SOS2: variants seen among roughly 807,000 people sequenced by gnomAD.
SOS2 encodes son of sevenless homolog 2.
In SOS2, 65 loss-of-function variants were observed where a neutral mutation model predicts 148.2. The ratio of observed to expected loss-of-function variants is 0.44; its 90% CI spans 0.36 to 0.54. The LOEUF (loss-of-function observed/expected upper bound fraction) is 0.54, where lower values mean the gene tolerates loss of function less well. Among genes scored for constraint, SOS2 ranks in the 20% least tolerant of loss-of-function variants. The pLI, the probability that SOS2 is intolerant of heterozygous loss-of-function variation, is 0.00. For synonymous variants in SOS2, 539 were observed against 537.1 expected (o/e 1.00, Z -0.05); for missense variants, 1,341 against 1,590.2 (o/e 0.84, Z 2.67).
At position 50,197,008 on chromosome 14, in the gene SOS2, T is replaced by C. The variant is rs1017406459; in HGVS notation, c.510+2683A>G. Among the ~76,000 whole-genome samples, 6 of 151,934 alleles carry C rather than the reference T, an allele frequency of 3.9e-5. No homozygotes were observed. In the South Asian group the frequency reaches 6.2e-4, roughly 16 times the overall value. On this transcript the variant is annotated intron_variant, in intron 4 of 22. Transcript: ENST00000216373. Reference sequence around the variant, plus strand: ...TCAGCCTCCCAAATAGCTGGGACTATAGTCACAAGCACACGCCCGGATAAT... The same window carrying C: ...TCAGCCTCCCAAATAGCTGGGACTACAGTCACAAGCACACGCCCGGATAAT...
intron 6 of SOS2, among the ~76,000 whole-genome samples, 193 bp from the exon 7 acceptor site, chr14:50,180,875 G>A (rs1404006546): frequency 6.6e-6 from 1 of 151,882 alleles, no homozygotes; most frequent in African/African-American, 2.4e-5. Flanking sequence ...AGAAAAAAGA[G>A]AAGAGAAGAA....
chr14:50,175,428 CTTTTTTTTTT>C (rs71441277), intron 7 of SOS2, among the ~76,000 whole-genome samples: 2 of 119,870 alleles, frequency 1.7e-5, no homozygotes, highest in African/African-American at 3.2e-5. Context: ...AGGAGTAATA[CTTTTTTTTTT>C]TTTTTTTTTT....
chr14:50,140,586 A>C (rs1884237726), intron 16 of SOS2, among the ~76,000 whole-genome samples: 1 of 152,222 alleles, frequency 6.6e-6, no homozygotes, highest in African/African-American at 2.4e-5. Flanking sequence ...TAAACCCCAG[A>C]GCGAACACTA....
intron 4 of SOS2, among the ~76,000 whole-genome samples, chr14:50,195,374 A>C (rs1011174098): frequency 6.6e-6 from 1 of 152,228 alleles, no homozygotes; most frequent in African/African-American, 2.4e-5. Flanking sequence ...GGGGATCTGA[A>C]AATCCTGCCA....
intron 13 of SOS2, among the ~76,000 whole-genome samples, chr14:50,150,972 C>G (rs545497812): frequency 6.6e-6 from 1 of 152,054 alleles, no homozygotes; most frequent in Non-Finnish European, 1.5e-5. Context: ...ATCTGCCTGC[C>G]TTGGCCTCTC....
intron 4 of SOS2, 107 bp from the exon 5 acceptor site, chr14:50,188,807 A>C: frequency 1.3e-6 from 1 of 780,880 alleles, no homozygotes; most frequent in Non-Finnish European, 2.0e-6. Flanking sequence ...TGGGTGTTGT[A>C]ATCCCAGCAC....
At chr14:50,151,360 C>T (rs988718010) in intron 13 of SOS2, among the ~76,000 whole-genome samples, 1 of 152,166 alleles carries the variant, frequency 6.6e-6, no homozygotes, top group Non-Finnish European at 1.5e-5. Context: ...GTGACTTGGT[C>T]TGATTCAGGA....
chr14:50,220,405 C>CGAAAAAAAAAAAAAAA lies in SOS2; in HGVS notation c.87+10791_87+10792insTTTTTTTTTTTTTTTC, dbSNP rs779813155. Reference sequence around the variant, plus strand: ...TGGGCGACAGAGCGAGACTCCATCTCAAAAAAAAAAAAAAAAAGAACAGAC... The same window carrying CGAAAAAAAAAAAAAAA: ...TGGGCGACAGAGCGAGACTCCATCTCGAAAAAAAAAAAAAAAAAAAAAAAAAAAAAAAAGAACAGAC... On this transcript the variant is annotated intron_variant, in intron 1 of 22. Coordinates refer to ENST00000216373, the MANE Select transcript of SOS2 (RefSeq NM_006939.4). Among the ~76,000 whole-genome samples the CGAAAAAAAAAAAAAAA allele has an allele frequency of 3.9e-4, 12 of 30,446 alleles. 1 individual carries two copies. Among genetic ancestry groups the CGAAAAAAAAAAAAAAA allele is most frequent in the African/African-American group, 1.6e-3 (11 of 6,924 alleles). 20.0% of individuals were successfully genotyped at this position (30,446 alleles called of 152,430 possible).
chr14:50,135,962 T>C (rs916333247), intron 18 of SOS2, among the ~76,000 whole-genome samples: 4 of 152,118 alleles, frequency 2.6e-5, no homozygotes, highest in African/African-American at 9.7e-5. Context: ...CTTTATTTAA[T>C]TTTGAAGTGG....
chr14:50,161,959 C>T (rs1014405201), intron 8 of SOS2, among the ~76,000 whole-genome samples: 1 of 151,816 alleles, frequency 6.6e-6, no homozygotes, highest in Admixed American at 6.6e-5. Flanking sequence ...CTATGTCTCC[C>T]AGGCTGGTCT....
At chr14:50,152,243 T>C (rs185772711) in intron 13 of SOS2, among the ~76,000 whole-genome samples, 2 of 152,330 alleles carry the variant, frequency 1.3e-5, no homozygotes, top group South Asian at 2.1e-4. Context: ...TTCAATAATA[T>C]ACATTTGATG....
At chr14:50,134,671 T>C (rs1020429137) in intron 18 of SOS2, among the ~76,000 whole-genome samples, 2 of 152,180 alleles carry the variant, frequency 1.3e-5, no homozygotes, top group Non-Finnish European at 2.9e-5. Flanking sequence ...ATAAATTAGA[T>C]TAAGGTCTGT....
intron 8 of SOS2, among the ~76,000 whole-genome samples, chr14:50,164,209 G>C (rs1335582466): frequency 1.3e-5 from 2 of 152,156 alleles, no homozygotes; most frequent in African/African-American, 2.4e-5. Context: ...GGGAGGCCAA[G>C]GCGGGCAGAT....
At chr14:50,186,210 T>C (rs953696919) in intron 5 of SOS2, among the ~76,000 whole-genome samples, 3 of 152,114 alleles carry the variant, frequency 2.0e-5, no homozygotes, top group African/African-American at 7.2e-5. Flanking sequence ...TTATAGTAGA[T>C]ACAGAGATAG....
chr14:50,123,957 T>G (rs967982565), intron 21 of SOS2, among the ~76,000 whole-genome samples: 2 of 152,186 alleles, frequency 1.3e-5, no homozygotes, highest in Non-Finnish European at 2.9e-5. Flanking sequence ...TAAAAGATAC[T>G]TCTATTACAC....
chr14:50,206,881 T>C (rs73291630), intron 1 of SOS2, among the ~76,000 whole-genome samples: 2,636 of 152,308 alleles, frequency 0.017, 86 homozygotes, highest in African/African-American at 0.058. Context: ...AGTGCAATCA[T>C]GGCTCACTGT....
At chr14:50,216,877 A>G (rs1016987416) in intron 1 of SOS2, among the ~76,000 whole-genome samples, 5 of 152,228 alleles carry the variant, frequency 3.3e-5, no homozygotes, top group African/African-American at 9.6e-5. Flanking sequence ...TCTGATGTCA[A>G]TTCCTCCCAA....
intron 2 of SOS2, among the ~76,000 whole-genome samples, chr14:50,203,538 C>T (rs1291945249): frequency 3.3e-5 from 5 of 151,840 alleles, no homozygotes; most frequent in Admixed American, 2.6e-4. Context: ...AAAAATACTC[C>T]CATGTAACCA....
At chr14:50,210,726 C>CA (rs1343859023) in intron 1 of SOS2, among the ~76,000 whole-genome samples, 1 of 150,862 alleles carries the variant, frequency 6.6e-6, no homozygotes, top group East Asian at 2.0e-4. Flanking sequence ...AAAAAATGGG[C>CA]AAAAAACCCT....
Sources: gnomAD v4.1 joint callset for allele counts (sites outside exome capture counted in the v4.1 genomes callset) on GRCh38, gnomAD v4.1.1 for gene constraint, MANE v1.5 for transcripts, NCBI Gene and HGNC (gene_info 2026-07-23, HGNC 2026-07-21) for gene names.